NCKAP5: variants seen among roughly 807,000 people sequenced by gnomAD.
The protein encoded by NCKAP5 is nck-associated protein 5.
NCKAP5 carries 92 observed loss-of-function variants against 167.0 expected under a neutral mutation model. The ratio of observed to expected loss-of-function variants is 0.55; its 90% CI spans 0.47 to 0.66. The LOEUF is 0.66. Ranked by LOEUF, NCKAP5 falls within the 30% of genes least tolerant of loss-of-function variation. NCKAP5 has a pLI of 0.00. For missense variants in NCKAP5, 2,378 were observed against 2,315.0 expected (o/e 1.03, Z -0.56); for synonymous variants, 891 against 877.4 (o/e 1.02, Z -0.27).
intron 8 of NCKAP5, among the ~76,000 whole-genome samples, chr2:132,895,785 G>C (rs1693137566): frequency 7.1e-6 from 1 of 141,750 alleles, no homozygotes; most frequent in South Asian, 2.2e-4. Flanking sequence ...CTTTCTTCAG[G>C]CCACACAGAG....
intron 3 of NCKAP5, among the ~76,000 whole-genome samples, chr2:133,426,251 C>CG (rs1329629869): frequency 6.6e-6 from 1 of 151,564 alleles, no homozygotes; most frequent in African/African-American, 2.4e-5. Context: ...GCCTGGGCAA[C>CG]GGAGCCAAAC....
At chr2:133,457,791 A>C (rs1032491186) in intron 3 of NCKAP5, among the ~76,000 whole-genome samples, 13 of 152,134 alleles carry the variant, frequency 8.5e-5, no homozygotes, top group Admixed American at 5.9e-4. Context: ...AGTAAATCTC[A>C]ATTCTTTTTT....
At chr2:133,094,526 A>G (rs1360796825) in intron 6 of NCKAP5, among the ~76,000 whole-genome samples, 1 of 152,076 alleles carries the variant, frequency 6.6e-6, no homozygotes, top group Non-Finnish European at 1.5e-5. Context: ...TTCCATGTAT[A>G]CTTATGTGCA....
At position 132,905,775 on chromosome 2, in the gene NCKAP5, A is replaced by T. The variant is rs139786326; in HGVS notation, c.580-26859T>A. Among the ~76,000 whole-genome samples, 6 of 152,214 alleles carry T rather than the reference A, an allele frequency of 3.9e-5. No individual in the cohort carries two copies. The East Asian group carries it at 9.7e-4, about 24-fold the overall frequency. On this transcript the variant is annotated intron_variant, in intron 8 of 19. Transcript: ENST00000409261. The stretch of plus-strand genomic sequence containing the variant: ...TACAGAAAACTACTGATTTTTATAT[A>T]CTCATACCTGACCACCTTACTGCAC...
At chr2:133,011,667 C>T (rs983951845) in intron 6 of NCKAP5, among the ~76,000 whole-genome samples, 14 of 152,226 alleles carry the variant, frequency 9.2e-5, no homozygotes, top group African/African-American at 3.1e-4. Flanking sequence ...CATTATCACA[C>T]AGCAGTTAAT....
At chr2:133,023,269 T>C (rs1338621173) in intron 6 of NCKAP5, among the ~76,000 whole-genome samples, 2 of 152,218 alleles carry the variant, frequency 1.3e-5, no homozygotes, top group African/African-American at 2.4e-5. Flanking sequence ...TTTTAAGTTT[T>C]CTCCATATTA....
chr2:132,699,177 C>T (rs1687632516), intron 19 of NCKAP5, among the ~76,000 whole-genome samples: 1 of 152,160 alleles, frequency 6.6e-6, no homozygotes, highest in Non-Finnish European at 1.5e-5. Context: ...GCCTGCTCCT[C>T]CACTCTGCAC....
chr2:132,803,130 A>G (rs188576145), intron 11 of NCKAP5, among the ~76,000 whole-genome samples: 153 of 152,344 alleles, frequency 1.0e-3, no homozygotes, highest in Non-Finnish European at 1.6e-3. Flanking sequence ...CTACAAAGAT[A>G]AAACATAATA....
chr2:132,840,292 T>TTTTTG lies in NCKAP5; in HGVS notation c.807+20199_807+20200insCAAAA, dbSNP rs770227651. On this transcript the variant is annotated intron_variant, in intron 11 of 19. Transcript: ENST00000409261. ...TTGCACAGCATTTTTTTTTTTTTTT[T>TTTTTG]TGAGATAGAGTCTCGCTCTGTTGAC... Among the ~76,000 whole-genome samples, 166 of 147,486 alleles carry TTTTTG rather than the reference T, an allele frequency of 1.1e-3. 1 individual carries two copies. In the East Asian group the frequency reaches 0.024, roughly 21 times the overall value.
intron 4 of NCKAP5, among the ~76,000 whole-genome samples, chr2:133,286,603 C>G (rs1177309621): frequency 6.6e-6 from 1 of 151,974 alleles, no homozygotes; most frequent in Admixed American, 6.6e-5. Flanking sequence ...GAATAACAAC[C>G]CTCTCTCAAA....
chr2:132,751,516 G>A (rs1680112132), intron 16 of NCKAP5, among the ~76,000 whole-genome samples: 1 of 152,136 alleles, frequency 6.6e-6, no homozygotes, highest in Non-Finnish European at 1.5e-5. Flanking sequence ...CTCTATTCCA[G>A]AAGCCAAGTT....
intron 4 of NCKAP5, among the ~76,000 whole-genome samples, chr2:133,279,009 TTATTC>T (rs2089843331): frequency 6.6e-6 from 1 of 152,180 alleles, no homozygotes; most frequent in Non-Finnish European, 1.5e-5. Flanking sequence ...TGTTGATCCT[TTATTC>T]TATTGGTGCG....
At chr2:132,709,805 A>G (rs1573950370) in intron 19 of NCKAP5, among the ~76,000 whole-genome samples, 1 of 152,152 alleles carries the variant, frequency 6.6e-6, no homozygotes, top group Admixed American at 6.5e-5. Flanking sequence ...CTTATAAAGA[A>G]CTGAAAAATA....
chr2:132,782,891 T>C lies in NCKAP5; in HGVS notation c.3920A>G (p.Glu1307Gly), dbSNP rs757131957. The C allele has an allele frequency of 2.5e-5, 41 of 1,613,788 alleles. No homozygotes were observed. Among genetic ancestry groups the C allele is most frequent in the Non-Finnish European group, 3.2e-5 (38 of 1,179,864 alleles). The change falls in exon 14 of 20, where the codon GAG becomes GGG. Residue 1307 changes from glutamate to glycine, a missense_variant. Transcript: ENST00000409261. ...CTGCCGGGTAAGAGAATTGCCTCTCTCGGCGGTATTGGTAATGATCTGAGT... is the reference window on the plus strand; with the variant it reads ...CTGCCGGGTAAGAGAATTGCCTCTCCCGGCGGTATTGGTAATGATCTGAGT... ...VRTQIITNTA[E>G]RGNSLTRQNS...
At chr2:132,947,839 T>C (rs955043386) in intron 8 of NCKAP5, among the ~76,000 whole-genome samples, 2 of 152,320 alleles carry the variant, frequency 1.3e-5, no homozygotes, top group East Asian at 3.9e-4. Flanking sequence ...CATTGTCACC[T>C]GCCCCAGGTA....
chr2:133,206,356 C>G (rs2085952867), intron 5 of NCKAP5, among the ~76,000 whole-genome samples: 2 of 152,284 alleles, frequency 1.3e-5, no homozygotes, highest in Non-Finnish European at 2.9e-5. Context: ...ATTTCATGGA[C>G]ATTTATCAGT....
chr2:133,140,466 CTA>C (rs1349237962), intron 5 of NCKAP5, among the ~76,000 whole-genome samples: 1 of 152,056 alleles, frequency 6.6e-6, no homozygotes, highest in Admixed American at 6.6e-5. Flanking sequence ...CTTTTGGTCC[CTA>C]TGTTTCTCTC....
rs10635907 is a variant in NCKAP5, at chr2:133,357,288, G to GACACACACAC, written c.70-54188_70-54179dup. On this transcript the variant is annotated intron_variant, in intron 3 of 19. Transcript: ENST00000409261. ...ATTAGTTGGGTCACACACATACACA[G>GACACACACAC]ACACACACACACACACACACACACA... Among the ~76,000 whole-genome samples the GACACACACAC allele has an allele frequency of 1.1e-4, 15 of 140,266 alleles. 1 individual carries two copies. The highest frequency in any genetic ancestry group is 4.1e-4 in the East Asian group (2 of 4,828). The allele number at this position is 140,266 out of a possible 152,430, so 92.0% of individuals were successfully genotyped here.
intron 3 of NCKAP5, among the ~76,000 whole-genome samples, chr2:133,429,969 A>G (rs894534252): frequency 6.6e-6 from 1 of 152,096 alleles, no homozygotes; most frequent in Non-Finnish European, 1.5e-5. Context: ...TTTTCTCCAC[A>G]ACCTCACCAA....
Sources: allele counts gnomAD v4.1 joint callset (sites outside exome capture counted in the v4.1 genomes callset), GRCh38; gene constraint gnomAD v4.1.1; transcripts MANE v1.5; gene names NCBI Gene and HGNC (gene_info 2026-07-23, HGNC 2026-07-21).